The following HHAT variants were observed in gnomAD, a reference collection of about 807,000 sequenced individuals.
HHAT encodes hedgehog acyltransferase, also known as protein-cysteine N-palmitoyltransferase HHAT.
In HHAT, 47 loss-of-function variants were observed where a neutral mutation model predicts 70.8. That is an observed-to-expected ratio of 0.66 (90% CI 0.53 to 0.85). The LOEUF (loss-of-function observed/expected upper bound fraction) is 0.85, where lower values mean the gene tolerates loss of function less well. Ranked by LOEUF, HHAT falls within the 40% of genes least tolerant of loss-of-function variation. The pLI is 0.00. For missense variants in HHAT, 609 were observed against 604.8 expected (o/e 1.01, Z -0.07); for synonymous variants, 228 against 247.6 (o/e 0.92, Z 0.74).
chr1:210,593,643 G>A (rs1662265564), intron 10 of HHAT, among the ~76,000 whole-genome samples: 1 of 152,150 alleles, frequency 6.6e-6, no homozygotes, highest in Non-Finnish European at 1.5e-5. Flanking sequence ...TGTGTATTCT[G>A]CAGCCATTGG....
intron 8 of HHAT, among the ~76,000 whole-genome samples, chr1:210,481,503 C>G (rs1001137342): frequency 6.6e-6 from 1 of 152,070 alleles, no homozygotes; most frequent in African/African-American, 2.4e-5. Context: ...TCACTTTTAA[C>G]AATGAAATCG....
intron 10 of HHAT, among the ~76,000 whole-genome samples, chr1:210,617,367 G>C (rs959260757): frequency 1.3e-5 from 2 of 152,220 alleles, no homozygotes; most frequent in Admixed American, 1.3e-4. Context: ...TTGCAGAGTA[G>C]AGGCACATAA....
At position 210,634,108 on chromosome 1, in the gene HHAT, T is replaced by C. The variant is rs138028949; in HGVS notation, c.1390+10438T>C. Reference sequence around the variant, plus strand: ...GTTTTAAAAAAGTTATTGTATTTCTTTGCTGTTAGAAATCTCCTGGGGCCA... The same window carrying C: ...GTTTTAAAAAAGTTATTGTATTTCTCTGCTGTTAGAAATCTCCTGGGGCCA... On this transcript the variant is annotated intron_variant, in intron 11 of 11. Coordinates refer to ENST00000261458, the MANE Select transcript of HHAT (RefSeq NM_018194.6). Among the ~76,000 whole-genome samples, 58 of 152,344 alleles carry C rather than the reference T, an allele frequency of 3.8e-4. 3 individuals are homozygous for C. The East Asian group carries it at 8.5e-3, about 22-fold the overall frequency.
intron 9 of HHAT, among the ~76,000 whole-genome samples, chr1:210,515,968 G>C (rs1345612949): frequency 6.6e-6 from 1 of 152,062 alleles, no homozygotes; most frequent in African/African-American, 2.4e-5. Flanking sequence ...TACTTGGGTG[G>C]ATGAGGCATG....
chr1:210,518,422 C>A (rs1021043629), intron 9 of HHAT, among the ~76,000 whole-genome samples: 1 of 152,204 alleles, frequency 6.6e-6, no homozygotes, highest in African/African-American at 2.4e-5. Context: ...GGATTTCATT[C>A]TTTTTTATGG....
At chr1:210,578,693 T>C (rs1414793816) in intron 9 of HHAT, among the ~76,000 whole-genome samples, 3 of 152,214 alleles carry the variant, frequency 2.0e-5, no homozygotes, top group African/African-American at 7.2e-5. Context: ...ACATGGAGAA[T>C]ATTCTATTCA....
intron 1 of HHAT, among the ~76,000 whole-genome samples, chr1:210,335,328 A>AAG (rs2085385132): frequency 6.6e-6 from 1 of 151,788 alleles, no homozygotes; most frequent in Admixed American, 6.6e-5. Context: ...GAAAAAAAAA[A>AAG]AAGCCTCTTT....
chr1:210,334,178 A>ATTTTTTTTTTTTTTTT (rs3033354), intron 1 of HHAT, among the ~76,000 whole-genome samples: 1,130 of 99,922 alleles, frequency 0.011, 309 homozygotes, highest in African/African-American at 0.028. Context: ...TTAGCGTGTC[A>ATTTTTTTTTTTTTTTT]TTTTTTTTTT....
chr1:210,593,210 G>A (rs76471004), intron 10 of HHAT, among the ~76,000 whole-genome samples: 1,713 of 151,832 alleles, frequency 0.011, 46 homozygotes, highest in African/African-American at 0.039. Flanking sequence ...TCTGATCTTC[G>A]TTTCCTTTGT....
At chr1:210,641,774 T>A (rs1673014316) in intron 11 of HHAT, among the ~76,000 whole-genome samples, 1 of 152,220 alleles carries the variant, frequency 6.6e-6, no homozygotes. Flanking sequence ...ACCAGCCACC[T>A]GGGTTGATTG....
At chr1:210,434,445 T>C (rs2093328099) in intron 7 of HHAT, among the ~76,000 whole-genome samples, 2 of 151,826 alleles carry the variant, frequency 1.3e-5, no homozygotes, top group Non-Finnish European at 2.9e-5. Flanking sequence ...GCAGCTCCTT[T>C]CCATGTCGGC....
intron 9 of HHAT, among the ~76,000 whole-genome samples, chr1:210,562,180 T>C (rs2095629111): frequency 6.6e-6 from 1 of 151,748 alleles, no homozygotes; most frequent in African/African-American, 2.4e-5. Flanking sequence ...AGATAGAGAG[T>C]TGACTGCTGT....
intron 8 of HHAT, among the ~76,000 whole-genome samples, chr1:210,478,117 G>A (rs1362867850): frequency 6.6e-6 from 1 of 152,138 alleles, no homozygotes; most frequent in African/African-American, 2.4e-5. Flanking sequence ...CTACAGAGTG[G>A]GATGTGGTAT....
chr1:210,672,599 T>A (rs536935132), intron 11 of HHAT, among the ~76,000 whole-genome samples: 3 of 152,330 alleles, frequency 2.0e-5, no homozygotes, highest in Admixed American at 1.3e-4. Flanking sequence ...GCCTTTGACA[T>A]GGGACTGTGT....
At chr1:210,538,075 AT>A (rs200582852) in intron 9 of HHAT, among the ~76,000 whole-genome samples, 6,175 of 141,684 alleles carry the variant, frequency 0.044, 348 homozygotes, top group African/African-American at 0.14. Context: ...CACATTTTGT[AT>A]TTTTTTTTTT....
chr1:210,594,975 A>T (rs201600511), intron 10 of HHAT, among the ~76,000 whole-genome samples: 1 of 39,258 alleles, frequency 2.5e-5, no homozygotes, highest in African/African-American at 7.6e-5. Flanking sequence ...CTTTTTTTTA[A>T]ATTAATTTAT....
intron 11 of HHAT, among the ~76,000 whole-genome samples, chr1:210,673,135 C>G (rs966471422): frequency 6.6e-6 from 1 of 152,126 alleles, no homozygotes; most frequent in East Asian, 1.9e-4. Context: ...TGATCTTGCC[C>G]GGCACCCTTT....
At chr1:210,526,824 T>TA (rs2095256383) in intron 9 of HHAT, among the ~76,000 whole-genome samples, 1 of 152,204 alleles carries the variant, frequency 6.6e-6, no homozygotes, top group Non-Finnish European at 1.5e-5. Context: ...TATTTAAATT[T>TA]AAACTACTGA....
chr1:210,397,897 C>G (rs757731029), intron 4 of HHAT, among the ~76,000 whole-genome samples: 1 of 152,180 alleles, frequency 6.6e-6, no homozygotes, highest in Non-Finnish European at 1.5e-5. Context: ...CAGCTGTGCC[C>G]TAAGGGCTAC....
Sources: allele counts gnomAD v4.1 joint callset (sites outside exome capture counted in the v4.1 genomes callset), GRCh38; gene constraint gnomAD v4.1.1; transcripts MANE v1.5; gene names NCBI Gene and HGNC (gene_info 2026-07-23, HGNC 2026-07-21).